The following CSMD2 variants were observed in gnomAD, a reference collection of about 807,000 sequenced individuals.
CSMD2 encodes CUB and Sushi multiple domains 2.
A neutral mutation model predicts 398.5 loss-of-function variants in CSMD2; 130 were observed. The observed-to-expected ratio is 0.33, with a 90% CI of 0.28 to 0.38. The LOEUF (loss-of-function observed/expected upper bound fraction) is 0.38. CSMD2 is among the 10% of genes least tolerant of loss of function. The pLI is 1.00. For missense variants in CSMD2, 3,829 were observed against 4,764.9 expected (o/e 0.80, Z 5.78); for synonymous variants, 1,828 against 1,908.5 (o/e 0.96, Z 1.10).
chr1:33,745,927 T>C (rs1647317419), intron 13 of CSMD2, among the ~76,000 whole-genome samples: 1 of 152,180 alleles, frequency 6.6e-6, no homozygotes, highest in South Asian at 2.1e-4. Context: ...GTATTGTTAT[T>C]AACCCCATTT....
At chr1:34,080,832 A>G (rs1656982216) in intron 2 of CSMD2, among the ~76,000 whole-genome samples, 2 of 152,142 alleles carry the variant, frequency 1.3e-5, no homozygotes, top group Admixed American at 1.3e-4. Flanking sequence ...TCAATAATTT[A>G]GATAAAAGAG....
At chr1:33,752,461 C>G (rs143260320) in intron 13 of CSMD2, among the ~76,000 whole-genome samples, 123 of 152,344 alleles carry the variant, frequency 8.1e-4, no homozygotes, top group African/African-American at 2.8e-3. Context: ...GAGACCCTCA[C>G]CAGGAGCTGA....
chr1:34,028,764 C>T (rs573510098), intron 3 of CSMD2, among the ~76,000 whole-genome samples: 2 of 152,280 alleles, frequency 1.3e-5, no homozygotes, highest in East Asian at 1.9e-4. Context: ...GGCATACAGT[C>T]GGTGCTTAAT....
At chr1:33,661,168 T>C (rs1644118066) in intron 26 of CSMD2, among the ~76,000 whole-genome samples, 1 of 152,182 alleles carries the variant, frequency 6.6e-6, no homozygotes, top group African/African-American at 2.4e-5. Flanking sequence ...AATCTGTGGG[T>C]GAATTTGTCA....
chr1:33,954,465 G>A (rs1328268744), intron 3 of CSMD2, among the ~76,000 whole-genome samples: 1 of 152,044 alleles, frequency 6.6e-6, no homozygotes, highest in Non-Finnish European at 1.5e-5. Flanking sequence ...ATACAATTGA[G>A]GGTAGCCAGG....
intron 1 of CSMD2, among the ~76,000 whole-genome samples, chr1:34,120,576 CT>C (rs1217660861): frequency 6.6e-6 from 1 of 152,114 alleles, no homozygotes; most frequent in Non-Finnish European, 1.5e-5. Flanking sequence ...TTGAGTTTTG[CT>C]CTTGTTGCCC....
intron 13 of CSMD2, chr1:33,772,264 G>A (rs760424149): frequency 1.2e-5 from 3 of 254,122 alleles, no homozygotes; most frequent in Non-Finnish European, 2.2e-5. Flanking sequence ...AAATGTCTGG[G>A]TCTGAGCCTG....
chr1:33,628,964 T>C lies in CSMD2; in HGVS notation c.5201-2383A>G, dbSNP rs1002748687. On this transcript the variant is annotated intron_variant, in intron 32 of 70. Coordinates refer to ENST00000373381, the MANE Select transcript of CSMD2 (RefSeq NM_001281956.2). ...GTTTTGAAAGATAAAGTTTGACCCG[T>C]AATTTGATTTACAATCAAGGTGTCA... Among the ~76,000 whole-genome samples the C allele has an allele frequency of 2.6e-5, 4 of 151,968 alleles. No homozygotes were observed. In the South Asian group the frequency reaches 6.2e-4, roughly 24 times the overall value.
rs1652944048 is a variant in CSMD2, at chr1:34,049,591, C to T, written c.405-16885G>A. On this transcript the variant is annotated intron_variant, in intron 2 of 70. Coordinates refer to ENST00000373381, the MANE Select transcript of CSMD2 (RefSeq NM_001281956.2). ...ATACTGTAAAACAGGGACTTGCTCA[C>T]CCCTAAGATCCAATCCAAGTGTATA... Among the ~76,000 whole-genome samples, 4 of 152,250 alleles carry T rather than the reference C, an allele frequency of 2.6e-5. No individual in the cohort carries two copies. The South Asian group carries it at 8.3e-4, about 32-fold the overall frequency.
intron 44 of CSMD2, among the ~76,000 whole-genome samples, chr1:33,593,272 T>C (rs924766652): frequency 6.6e-6 from 1 of 152,262 alleles, no homozygotes; most frequent in Non-Finnish European, 1.5e-5. Flanking sequence ...CTTTAAACTG[T>C]GTCACATTGT....
chr1:33,526,979 C>T (rs1654834638), intron 65 of CSMD2, among the ~76,000 whole-genome samples: 1 of 152,226 alleles, frequency 6.6e-6, no homozygotes, highest in African/African-American at 2.4e-5. Context: ...GTTGCTGGCT[C>T]TTTCTTCCAG....
intron 9 of CSMD2, among the ~76,000 whole-genome samples, chr1:33,819,445 G>A (rs543155041): frequency 2.0e-5 from 3 of 152,324 alleles, no homozygotes; most frequent in East Asian, 3.9e-4. Flanking sequence ...TGTTTCTTAC[G>A]TGCCTCACCC....
intron 27 of CSMD2, among the ~76,000 whole-genome samples, chr1:33,655,756 C>T (rs947275605): frequency 6.6e-6 from 1 of 152,236 alleles, no homozygotes; most frequent in African/African-American, 2.4e-5. Flanking sequence ...AAATCAGAAG[C>T]ATGTCACTGG....
chr1:33,714,850 G>A, intron 20 of CSMD2, 75 bp from the exon 21 acceptor site: 1 of 1,439,802 alleles, frequency 6.9e-7, no homozygotes, highest in Non-Finnish European at 9.6e-7. Context: ...GAACGCACAG[G>A]CAAAACACCA....
intron 2 of CSMD2, among the ~76,000 whole-genome samples, chr1:34,035,921 C>A (rs1651068224): frequency 6.6e-6 from 1 of 152,150 alleles, no homozygotes; most frequent in Non-Finnish European, 1.5e-5. Context: ...AGATGTTTAA[C>A]ATCACTAGCC....
At chr1:33,538,323 C>T (rs1009431518) in intron 60 of CSMD2, among the ~76,000 whole-genome samples, 2 of 152,286 alleles carry the variant, frequency 1.3e-5, no homozygotes, top group South Asian at 4.1e-4. Context: ...TACACATTTA[C>T]ACTGCGGTGG....
chr1:33,939,640 C>A (rs1644600095), intron 3 of CSMD2, among the ~76,000 whole-genome samples: 1 of 152,170 alleles, frequency 6.6e-6, no homozygotes, highest in Admixed American at 6.5e-5. Flanking sequence ...AAAGTCGATT[C>A]TTCTTAAAAA....
intron 21 of CSMD2, among the ~76,000 whole-genome samples, chr1:33,712,703 A>G (rs72892878): frequency 0.041 from 6,251 of 152,288 alleles, 341 homozygotes; most frequent in African/African-American, 0.12. Context: ...AATTCCATTC[A>G]AGGAGAATTT....
Position 33,726,636 on chromosome 1 carries a change from C to G in CSMD2, c.2418G>C (p.Pro806=). The change falls in exon 16 of 71, where the codon CCG becomes CCC. Residue 806 remains proline (P), a synonymous_variant. Coordinates refer to ENST00000373381, the MANE Select transcript of CSMD2 (RefSeq NM_001281956.2). ...LTSPSGTILS[P]GWPGFYKDAL... is the part of the protein sequence containing the mutation. ...CATCCTTGTAGAAGCCAGGCCAGCC[C>G]GGAGAGAGGATGGTGCCGCTGGGCG... is the stretch of plus-strand genomic sequence containing the variant. The G allele has an allele frequency of 6.2e-7, 1 of 1,613,398 alleles. No homozygotes were observed. The highest frequency in any genetic ancestry group is 8.5e-7 in the Non-Finnish European group (1 of 1,179,932).
Sources: gnomAD v4.1 joint callset for allele counts (sites outside exome capture counted in the v4.1 genomes callset) on GRCh38, gnomAD v4.1.1 for gene constraint, MANE v1.5 for transcripts, NCBI Gene and HGNC (gene_info 2026-07-23, HGNC 2026-07-21) for gene names.